Variants in LRRC63 observed in about 807,000 individuals in gnomAD.
The protein encoded by LRRC63 is leucine-rich repeat-containing protein 63.
LRRC63 carries 40 observed loss-of-function variants against 49.5 expected under a neutral mutation model. The observed-to-expected ratio is 0.81, with a 90% CI of 0.63 to 1.05. LRRC63 has a LOEUF of 1.05. Among genes scored for constraint, LRRC63 ranks in the 50% least tolerant of loss-of-function variants. The pLI, the probability that LRRC63 is intolerant of heterozygous loss-of-function variation, is 0.00. For synonymous variants in LRRC63, 191 were observed against 221.1 expected, an observed-to-expected ratio of 0.86 and a Z score of 1.21; for missense variants, 636 against 663.1, an observed-to-expected ratio of 0.96 and a Z score of 0.45.
At chr13:46,219,728 CT>C (rs1271787249) in intron 2 of LRRC63, among the ~76,000 whole-genome samples, 1 of 152,192 alleles carries the variant, frequency 6.6e-6, no homozygotes, top group East Asian at 1.9e-4. Context: ...TTTTCCTCAT[CT>C]TCGTGGATTT....
In LRRC63 at chr13:46,246,623, G is replaced by GAAGT; in HGVS notation, c.1088_1089+2dup. ...TAATGATCTTCATTACTTTCCCACA[G>GAAGT]AAGTGAGTCAACTTTTATTGTTATG... On this transcript the variant is annotated frameshift_variant and splice_region_variant, in exon 6 of 10. Coordinates refer to ENST00000595396, the Ensembl canonical transcript of LRRC63. LOFTEE classifies it high-confidence loss of function. The GAAGT allele has an allele frequency of 7.2e-7, 1 of 1,382,940 alleles. No individual in the cohort carries two copies. Among genetic ancestry groups the GAAGT allele is most frequent in the Non-Finnish European group, 9.5e-7 (1 of 1,054,226 alleles). 85.7% of individuals were successfully genotyped at this position (1,382,940 alleles called of 1,614,324 possible). A position where few individuals can be genotyped will look rare whatever the true frequency, so the allele number is the denominator to read the frequency against.
At chr13:46,267,688 G>A (rs1231920850) in intron 9 of LRRC63, among the ~76,000 whole-genome samples, 2 of 152,076 alleles carry the variant, frequency 1.3e-5, no homozygotes, top group East Asian at 1.9e-4. Flanking sequence ...ATCTACCAAC[G>A]AAAAAGGAAC....
intron 6 of LRRC63, 26 bp downstream of exon 6, chr13:46,246,651 CTGATATAA>C: frequency 9.9e-7 from 1 of 1,010,626 alleles, no homozygotes; most frequent in Non-Finnish European, 1.3e-6. Context: ...TTGTTATGTA[CTGATATAA>C]CTTGTCGTGA....
intron 9 of LRRC63, among the ~76,000 whole-genome samples, chr13:46,267,647 A>G (rs1172940727): frequency 6.6e-6 from 1 of 152,258 alleles, no homozygotes; most frequent in Non-Finnish European, 1.5e-5. Flanking sequence ...ACAGCCTAGT[A>G]ACTATTGGAG....
At chr13:46,250,476 C>G in exon 7 of LRRC63, 2 of 1,533,984 alleles carry the variant, frequency 1.3e-6, no homozygotes, top group Non-Finnish European at 1.8e-6. Context: ...AATTTAATTA[C>G]TGTTCTTCCA....
At position 46,213,124 on chromosome 13, in the gene LRRC63, G is replaced by T. The variant is rs1409495713; in HGVS notation, c.85+5G>T. 3 of 1,517,362 alleles carry T rather than the reference G, an allele frequency of 2.0e-6. No homozygotes were observed. The African/African-American group carries it at 4.2e-5, about 21-fold the overall frequency. 94.0% of individuals were successfully genotyped at this position (1,517,362 alleles called of 1,614,324 possible). ...ATGAGAAAAAAACCCATACAGGTAT[G>T]TGTATTAATCAGATATGTGTATTAA... On this transcript the variant is annotated splice_donor_5th_base_variant and intron_variant, in intron 2 of 9. Transcript: ENST00000595396.
chr13:46,226,893 T>A (rs935099681), intron 2 of LRRC63, among the ~76,000 whole-genome samples: 2 of 152,196 alleles, frequency 1.3e-5, no homozygotes, highest in Non-Finnish European at 2.9e-5. Context: ...AAAAATGTCA[T>A]TTCACATTCT....
At chr13:46,230,197 G>A (rs1257934587) in intron 4 of LRRC63, among the ~76,000 whole-genome samples, 1 of 152,050 alleles carries the variant, frequency 6.6e-6, no homozygotes, top group Non-Finnish European at 1.5e-5. Context: ...TTCTCGCATT[G>A]CAAAATACAA....
chr13:46,261,772 A>G, intron 7 of LRRC63, 137 bp from the exon 8 acceptor site: 1 of 343,564 alleles, frequency 2.9e-6, no homozygotes, highest in Non-Finnish European at 5.3e-6. Context: ...CACGATCTAT[A>G]ATGAAAAGAA....
intron 4 of LRRC63, among the ~76,000 whole-genome samples, chr13:46,230,649 C>T (rs1223357573): frequency 6.6e-6 from 1 of 152,156 alleles, no homozygotes; most frequent in Non-Finnish European, 1.5e-5. Context: ...TTCCTCTTGG[C>T]TATTTGTATT....
At chr13:46,230,257 T>C (rs2046708182) in intron 4 of LRRC63, among the ~76,000 whole-genome samples, 1 of 152,178 alleles carries the variant, frequency 6.6e-6, no homozygotes, top group Non-Finnish European at 1.5e-5. Flanking sequence ...TTCAGCATCA[T>C]TCAAAAGTGC....
chr13:46,220,579 C>G (rs946910950), intron 2 of LRRC63, among the ~76,000 whole-genome samples: 2 of 151,780 alleles, frequency 1.3e-5, no homozygotes, highest in South Asian at 4.2e-4. Context: ...ACTTGGCTCC[C>G]TGGCTTCAGC....
chr13:46,238,414 T>C (rs1049391812), intron 5 of LRRC63, among the ~76,000 whole-genome samples: 4 of 152,110 alleles, frequency 2.6e-5, no homozygotes, highest in Admixed American at 1.3e-4. Context: ...GCAAAGTAAT[T>C]GTATTAGTAC....
chr13:46,268,371 G>A (rs927303071), intron 9 of LRRC63, among the ~76,000 whole-genome samples: 1 of 152,138 alleles, frequency 6.6e-6, no homozygotes, highest in Non-Finnish European at 1.5e-5. Context: ...AGAACAGAGA[G>A]AATGGTGGGA....
At chr13:46,274,945 C>A (rs1388095499) in intron 9 of LRRC63, among the ~76,000 whole-genome samples, 1 of 152,094 alleles carries the variant, frequency 6.6e-6, no homozygotes, top group Non-Finnish European at 1.5e-5. Context: ...AAACTCCTAT[C>A]TACCTGTGAT....
intron 9 of LRRC63, among the ~76,000 whole-genome samples, chr13:46,269,906 C>CATATAT (rs149054055): frequency 7.6e-5 from 11 of 145,630 alleles, no homozygotes; most frequent in African/African-American, 2.7e-4. Context: ...ACACTATATA[C>CATATAT]ATATATATAT....
chr13:46,272,070 T>C (rs891109178), intron 9 of LRRC63, among the ~76,000 whole-genome samples: 30 of 152,348 alleles, frequency 2.0e-4, no homozygotes, highest in African/African-American at 7.0e-4. Flanking sequence ...AGTACTGCAA[T>C]ACCACAACAG....
intron 5 of LRRC63, 135 bp from the exon 6 acceptor site, chr13:46,246,392 G>A (rs1219547007): frequency 2.4e-6 from 1 of 410,890 alleles, no homozygotes; most frequent in Non-Finnish European, 4.3e-6. Flanking sequence ...ATGAATGGAC[G>A]AGGAGTATAG....
At chr13:46,247,547 G>A (rs1156245804) in intron 6 of LRRC63, among the ~76,000 whole-genome samples, 2 of 152,162 alleles carry the variant, frequency 1.3e-5, no homozygotes, top group Non-Finnish European at 2.9e-5. Context: ...TAAAGTGACA[G>A]AGATCAACTT....
Sources: allele counts gnomAD v4.1 joint callset (sites outside exome capture counted in the v4.1 genomes callset), GRCh38; gene constraint gnomAD v4.1.1; transcripts MANE v1.5; gene names NCBI Gene and HGNC (gene_info 2026-07-23, HGNC 2026-07-21).